The following SLC35F4 variants were observed in gnomAD, a reference collection of about 807,000 sequenced individuals.
The protein encoded by SLC35F4 is chromosome 14 open reading frame 36.
A neutral mutation model predicts 44.2 loss-of-function variants in SLC35F4; 24 were observed. The ratio of observed to expected loss-of-function variants is 0.54; its 90% CI spans 0.39 to 0.76. The LOEUF (loss-of-function observed/expected upper bound fraction) is 0.76. Ranked by LOEUF, SLC35F4 falls within the 30% of genes least tolerant of loss-of-function variation. The pLI, the probability that SLC35F4 is intolerant of heterozygous loss-of-function variation, is 0.00. For synonymous variants in SLC35F4, 238 were observed against 223.6 expected (o/e 1.06, Z -0.57); for missense variants, 562 against 586.1 (o/e 0.96, Z 0.42).
chr14:57,785,966 A>G (rs2140772738), intron 1 of SLC35F4, among the ~76,000 whole-genome samples: 1 of 152,240 alleles, frequency 6.6e-6, no homozygotes, highest in Non-Finnish European at 1.5e-5. Context: ...CTCCACAGGC[A>G]GGGGAAGAAC....
At chr14:57,897,066 A>T (rs1007682143) in intron 1 of SLC35F4, among the ~76,000 whole-genome samples, 1 of 152,212 alleles carries the variant, frequency 6.6e-6, no homozygotes, top group African/African-American at 2.4e-5. Flanking sequence ...AACTAAATAC[A>T]CATACATAGT....
intron 1 of SLC35F4, among the ~76,000 whole-genome samples, chr14:57,633,986 T>G (rs1410209011): frequency 6.6e-6 from 1 of 151,880 alleles, no homozygotes; most frequent in Non-Finnish European, 1.5e-5. Flanking sequence ...GAAAAGGGGA[T>G]GTAGGAGAGT....
intron 1 of SLC35F4, among the ~76,000 whole-genome samples, chr14:57,683,991 T>C (rs2074990185): frequency 6.6e-6 from 1 of 152,120 alleles, no homozygotes; most frequent in Admixed American, 6.5e-5. Flanking sequence ...GGTGGGAGGC[T>C]TGCATGGCTT....
intron 1 of SLC35F4, among the ~76,000 whole-genome samples, chr14:57,619,923 A>G (rs978129636): frequency 6.6e-6 from 1 of 152,100 alleles, no homozygotes; most frequent in African/African-American, 2.4e-5. Flanking sequence ...GAATCAATCA[A>G]GCAGAAGAAC....
chr14:57,648,794 C>T (rs981076568), intron 1 of SLC35F4, among the ~76,000 whole-genome samples: 1 of 152,184 alleles, frequency 6.6e-6, no homozygotes, highest in Non-Finnish European at 1.5e-5. Flanking sequence ...TGTAGAATCA[C>T]TCTCTCTCAC....
chr14:57,881,650 T>C (rs1039909915), intron 1 of SLC35F4, among the ~76,000 whole-genome samples: 2 of 152,174 alleles, frequency 1.3e-5, no homozygotes, highest in African/African-American at 4.8e-5. Context: ...TTAATAAAAT[T>C]ATGACATTTA....
At chr14:57,931,219 T>C (rs901053104) in intron 1 of SLC35F4, among the ~76,000 whole-genome samples, 1 of 152,192 alleles carries the variant, frequency 6.6e-6, no homozygotes, top group Non-Finnish European at 1.5e-5. Flanking sequence ...ACTTCATTAG[T>C]ATCCAATTTC....
At chr14:57,865,625 T>A (rs2036631861) in intron 1 of SLC35F4, 98 bp downstream of exon 1, 3 of 970,696 alleles carry the variant, frequency 3.1e-6, no homozygotes, top group Non-Finnish European at 4.4e-6. Context: ...GGGCTGCAGG[T>A]GTCCGTACCG....
chr14:57,723,059 C>A (rs539652865), intron 1 of SLC35F4, among the ~76,000 whole-genome samples: 1 of 152,290 alleles, frequency 6.6e-6, no homozygotes, highest in Non-Finnish European at 1.5e-5. Context: ...TGGGGGACTA[C>A]TGGACACTGG....
rs1889622837 is a variant in SLC35F4 at position 57,928,298 on chromosome 14, T to C, written n.282+53615A>G. ...ACAACGTGGAGAGCCTGTACTTCTATCCCTGCCAGGTACTAAGGAGGCACT... is the reference window on the plus strand; with the variant it reads ...ACAACGTGGAGAGCCTGTACTTCTACCCCTGCCAGGTACTAAGGAGGCACT... On this transcript the variant is annotated intron_variant and non_coding_transcript_variant, in intron 1 of 1. Coordinates refer to the SLC35F4 transcript ENST00000556568. Among the ~76,000 whole-genome samples the C allele has an allele frequency of 2.0e-5, 3 of 152,164 alleles. No homozygotes were observed. In the South Asian group the frequency reaches 6.2e-4, roughly 32 times the overall value.
At chr14:57,978,892 G>C (rs1881292753) in intron 1 of SLC35F4, among the ~76,000 whole-genome samples, 1 of 152,158 alleles carries the variant, frequency 6.6e-6, no homozygotes, top group Non-Finnish European at 1.5e-5. Flanking sequence ...AACAAAGAAA[G>C]GAGATACTGT....
intron 1 of SLC35F4, among the ~76,000 whole-genome samples, chr14:57,957,917 T>G (rs1161032383): frequency 1.3e-5 from 2 of 152,206 alleles, no homozygotes; most frequent in African/African-American, 4.8e-5. Context: ...ATATTTCCCC[T>G]AGGAACAATG....
intron 1 of SLC35F4, among the ~76,000 whole-genome samples, chr14:57,898,391 T>C (rs573302526): frequency 2.6e-5 from 4 of 152,338 alleles, no homozygotes; most frequent in African/African-American, 9.6e-5. Context: ...ATTTTCTGTC[T>C]GAGTTTAAGA....
upstream of SLC35F4, among the ~76,000 whole-genome samples, chr14:57,866,410 C>T (rs1362614580): frequency 6.6e-6 from 1 of 152,206 alleles, no homozygotes; most frequent in African/African-American, 2.4e-5. Flanking sequence ...GGCGTCTACA[C>T]CACCTCTGGT....
intron 1 of SLC35F4, among the ~76,000 whole-genome samples, chr14:57,879,669 A>T (rs1045688428): frequency 6.6e-6 from 1 of 152,090 alleles, no homozygotes; most frequent in Non-Finnish European, 1.5e-5. Flanking sequence ...ATTCAAGCAC[A>T]TCCTCCATTA....
At chr14:57,700,129 G>T (rs4439676) in intron 1 of SLC35F4, among the ~76,000 whole-genome samples, 2 of 151,904 alleles carry the variant, frequency 1.3e-5, no homozygotes, top group Non-Finnish European at 2.9e-5. Flanking sequence ...TGTCAACATC[G>T]TAGAGTGTAC....
At chr14:57,824,416 G>C (rs559133883) in intron 1 of SLC35F4, among the ~76,000 whole-genome samples, 1 of 152,240 alleles carries the variant, frequency 6.6e-6, no homozygotes, top group Non-Finnish European at 1.5e-5. Context: ...AAGATAGATA[G>C]ATAGATACAT....
At chr14:57,673,154 T>C (rs550838531) in intron 1 of SLC35F4, among the ~76,000 whole-genome samples, 2 of 152,246 alleles carry the variant, frequency 1.3e-5, no homozygotes, top group South Asian at 4.1e-4. Context: ...AGGCCACTTT[T>C]TTATGTAAGA....
At chr14:57,784,520 T>C (rs1429728832) in intron 1 of SLC35F4, among the ~76,000 whole-genome samples, 1 of 151,954 alleles carries the variant, frequency 6.6e-6, no homozygotes, top group Non-Finnish European at 1.5e-5. Flanking sequence ...CCTGTCTCTA[T>C]AAAAAAAATT....
Sources: allele counts gnomAD v4.1 joint callset (sites outside exome capture counted in the v4.1 genomes callset), GRCh38; gene constraint gnomAD v4.1.1; transcripts MANE v1.5; gene names NCBI Gene and HGNC (gene_info 2026-07-23, HGNC 2026-07-21).